Variants in MED23 observed in about 807,000 individuals in gnomAD.
MED23 encodes mediator complex subunit 23.
In MED23, 105 loss-of-function variants were observed where a neutral mutation model predicts 163.9. That is an observed-to-expected ratio of 0.64 (90% confidence interval 0.55 to 0.75). MED23 has a LOEUF of 0.75. Ranked by LOEUF, MED23 falls within the 30% of genes least tolerant of loss-of-function variation. The pLI, the probability that MED23 is intolerant of heterozygous loss-of-function variation, is 0.00. For synonymous variants in MED23, 561 were observed against 565.6 expected, an observed-to-expected ratio of 0.99 and a Z score of 0.12; for missense variants, 1,054 against 1,649.0, an observed-to-expected ratio of 0.64 and a Z score of 6.25.
chr6:131,624,240 T>C (rs1777322887), intron 4 of MED23, among the ~76,000 whole-genome samples: 1 of 152,192 alleles, frequency 6.6e-6, no homozygotes, highest in Non-Finnish European at 1.5e-5. Context: ...GACCTAAGAC[T>C]ATGGCCAAAA....
At chr6:131,599,838 G>A (rs1775334670) in intron 18 of MED23, among the ~76,000 whole-genome samples, 200 bp downstream of exon 18, 1 of 151,782 alleles carries the variant, frequency 6.6e-6, no homozygotes, top group Non-Finnish European at 1.5e-5. Context: ...GAATTCCTGG[G>A]CTCAAGCCAT....
downstream of MED23, chr6:131,583,061 T>G (rs934942148): frequency 1.9e-5 from 30 of 1,609,030 alleles, no homozygotes; most frequent in Non-Finnish European, 2.3e-5. Flanking sequence ...CTTTTATAGC[T>G]ACATTTTGAA....
downstream of MED23, chr6:131,582,573 T>G (rs541810173): frequency 7.0e-7 from 1 of 1,428,224 alleles, no homozygotes; most frequent in South Asian, 1.1e-5. Context: ...AATGTAGGAT[T>G]TGTTCAAGAG....
rs1463272371 is a variant in MED23, at chr6:131,589,483, A to C, written c.3921T>G (p.Gly1307=). The change falls in exon 28 of 29, where the codon GGT becomes GGG. Residue 1307 remains glycine (G), a synonymous_variant. Coordinates refer to ENST00000368068, the MANE Select transcript of MED23 (RefSeq NM_004830.4). ...AACTTACTTGCTCTTTCACGCTGTCACCAGTAAACATATACTTCATGTGAT... is the reference window on the plus strand; with the variant it reads ...AACTTACTTGCTCTTTCACGCTGTCCCCAGTAAACATATACTTCATGTGAT... ...FLYHMKYMFT[G]DSVKEQVEKI... 12 of 1,613,650 alleles carry C rather than the reference A, an allele frequency of 7.4e-6. No individual in the cohort carries two copies. The highest frequency in any genetic ancestry group is 1.0e-5 in the Non-Finnish European group (12 of 1,179,768).
In MED23 at chr6:131,598,069, G is replaced by A. The variant is rs893640522; in HGVS notation, c.2607+218C>T. 6.6e-6 allele frequency among the ~76,000 whole-genome samples: 1 copy of A among 151,354 alleles called. No individual in the cohort carries two copies. The highest frequency in any genetic ancestry group is 1.5e-5 in the Non-Finnish European group (1 of 68,016). On this transcript the variant is annotated intron_variant, in intron 20 of 28. Transcript: ENST00000368068. The surrounding 1 kb of genome is among the most constrained non-coding windows in gnomAD (Gnocchi z 4.7). Reference sequence around the variant, plus strand: ...CCATGATCACGCCACTGCACTGGGCGACAGAGCGAGACCCTGTCTCAAAAA... The same window carrying A: ...CCATGATCACGCCACTGCACTGGGCAACAGAGCGAGACCCTGTCTCAAAAA...
chr6:131,603,580 A>G (rs1306760736), intron 15 of MED23, among the ~76,000 whole-genome samples: 1 of 152,162 alleles, frequency 6.6e-6, no homozygotes, highest in African/African-American at 2.4e-5. Context: ...ATTGTATTAT[A>G]CCTGCCCTTG....
rs953651079 is a variant in MED23 at position 131,602,365 on chromosome 6, G to A, written c.1948C>T (p.Leu650Phe). 1 of 1,613,620 alleles carries A rather than the reference G, an allele frequency of 6.2e-7. No homozygotes were observed. The highest frequency in any genetic ancestry group is 8.5e-7 in the Non-Finnish European group (1 of 1,179,708). The change falls in exon 17 of 29, where the codon CTC becomes TTC. Residue 650 changes from leucine to phenylalanine, a missense_variant. Around this residue, in one of 11 missense-constraint regions of MED23, gnomAD observed 228 missense variants for 461.3 expected, o/e 0.49. Transcript: ENST00000368068. ...CTACCTAATGCTGTTATAAGCCTGA[G>A]AGCAGTGCTCTCGACACTGAAAATT... ...QLHLCVESTA[L>F]RLITALGSSE...
intron 20 of MED23, among the ~76,000 whole-genome samples, chr6:131,597,475 C>CAAAAAAAAAAA (rs59083644): frequency 1.7e-4 from 9 of 53,712 alleles, no homozygotes; most frequent in Non-Finnish European, 2.7e-4. Context: ...GACTCCATAT[C>CAAAAAAAAAAA]AAAAAAAAAA....
chr6:131,613,468 GACAAGAAAGT>G (rs1422298885), intron 10 of MED23, among the ~76,000 whole-genome samples: 1 of 152,110 alleles, frequency 6.6e-6, no homozygotes, highest in Non-Finnish European at 1.5e-5. Context: ...CTAGAGAAAG[GACAAGAAAGT>G]ATAGTGTAGG....
intron 30 of MED23, among the ~76,000 whole-genome samples, chr6:131,577,090 GAAATA>G (rs1773652272): frequency 6.6e-6 from 1 of 152,102 alleles, no homozygotes; most frequent in South Asian, 2.1e-4. Flanking sequence ...CCCTATTTGT[GAAATA>G]AAATAAAATA....
chr6:131,587,237 T>C lies in MED23; in HGVS notation c.*442A>G. On this transcript the variant is annotated 3_prime_UTR_variant, in exon 29 of 29. Transcript: ENST00000368068. ...ATATAAATCTCTATTATTCTGAAAA[T>C]CTACCAAGAGATTTATGTATAAAAT... The C allele has an allele frequency of 9.5e-7, 1 of 1,054,436 alleles. No individual in the cohort carries two copies. The highest frequency in any genetic ancestry group is 1.2e-6 in the Non-Finnish European group (1 of 860,414). The allele number at this position is 1,054,436 out of a possible 1,614,324, so 65.3% of individuals were successfully genotyped here.
At chr6:131,575,895 T>G (rs1429200363) in intron 30 of MED23, among the ~76,000 whole-genome samples, 1 of 150,596 alleles carries the variant, frequency 6.6e-6, no homozygotes, top group East Asian at 1.9e-4. Flanking sequence ...GGTCTTTGTT[T>G]GTAGTTTTCA....
exon 31 of MED23, chr6:131,574,144 G>T: frequency 2.1e-6 from 2 of 953,960 alleles, no homozygotes; most frequent in Non-Finnish European, 3.4e-6. Flanking sequence ...ACGCATCTGT[G>T]CTTAAAGAGG....
intron 25 of MED23, 23 bp from the exon 26 acceptor site, chr6:131,591,550 G>A: frequency 1.3e-6 from 2 of 1,545,208 alleles, no homozygotes; most frequent in Non-Finnish European, 1.8e-6. Context: ...AGGAAAGCTA[G>A]TGAAAAATAT....
intron 9 of MED23, among the ~76,000 whole-genome samples, chr6:131,616,210 T>C (rs1375190263): frequency 2.0e-5 from 3 of 152,120 alleles, no homozygotes; most frequent in African/African-American, 7.2e-5. Flanking sequence ...TGAGATGAAG[T>C]GGCTTGCCCC....
intron 11 of MED23, 28 bp from the exon 12 acceptor site, chr6:131,608,099 A>G (rs1395397082): frequency 6.2e-7 from 1 of 1,612,062 alleles, no homozygotes; most frequent in Admixed American, 1.7e-5. Flanking sequence ...ATACACATGT[A>G]TACACTGCTA....
chr6:131,619,914 G>C lies in MED23; in HGVS notation c.598-18C>G. 1 of 1,569,398 alleles carries C rather than the reference G, an allele frequency of 6.4e-7. No homozygotes were observed. Among genetic ancestry groups the C allele is most frequent in the Non-Finnish European group, 8.8e-7 (1 of 1,141,054 alleles). On this transcript the variant is annotated intron_variant, in intron 7 of 28. Transcript: ENST00000368068. ...CCAAGTAACTAAAGAGAGAAAGAAA[G>C]AGGGAAGTCAAATAAATACGTACAA...
At chr6:131,615,066 C>CAAAAAAAGGAAAAAAA (rs1776564916) in intron 10 of MED23, among the ~76,000 whole-genome samples, 1 of 68,242 alleles carries the variant, frequency 1.5e-5, no homozygotes, top group Non-Finnish European at 2.9e-5. Flanking sequence ...TCTTTGTTAC[C>CAAAAAAAGGAAAAAAA]AAAAAAAAAA....
At chr6:131,581,186 C>T (rs1246997390) in intron 30 of MED23, 3 of 1,611,858 alleles carry the variant, frequency 1.9e-6, no homozygotes, top group East Asian at 4.5e-5. Context: ...ACACTGCAAA[C>T]CTGATGTTCA....
Sources: allele counts gnomAD v4.1 joint callset (sites outside exome capture counted in the v4.1 genomes callset), GRCh38; gene constraint gnomAD v4.1.1; regional missense constraint gnomAD v4.1.1; non-coding constraint Gnocchi (gnomAD v3.1); transcripts MANE v1.5; gene names NCBI Gene and HGNC (gene_info 2026-07-23, HGNC 2026-07-21).